LRRIQ3: variants seen among roughly 807,000 people sequenced by gnomAD.
LRRIQ3 encodes leucine rich repeats and IQ motif containing 3.
Under a neutral mutation model 59.3 loss-of-function variants are expected in LRRIQ3, and 75 were observed. The observed-to-expected ratio is 1.26, with a 90% CI of 1.05 to 1.53. The LOEUF (loss-of-function observed/expected upper bound fraction) is 1.53, where lower values mean the gene tolerates loss of function less well. Ranked by LOEUF, LRRIQ3 falls within the 40% of genes most tolerant of loss-of-function variation. The pLI, the probability that LRRIQ3 is intolerant of heterozygous loss-of-function variation, is 0.00. For missense variants in LRRIQ3, 831 were observed against 710.0 expected (o/e 1.17, Z -1.94); for synonymous variants, 250 against 231.3 (o/e 1.08, Z -0.73).
intron 4 of LRRIQ3, among the ~76,000 whole-genome samples, chr1:74,126,841 C>T (rs1174035525): frequency 6.6e-6 from 1 of 151,832 alleles, no homozygotes. Context: ...GGATGAAATG[C>T]TCTGTAAATA....
In LRRIQ3 at chr1:74,155,719, A is replaced by C. The variant is rs771280840; in HGVS notation, c.707+14T>G. 1 of 1,558,408 alleles carries C rather than the reference A, an allele frequency of 6.4e-7. No individual in the cohort carries two copies. The highest frequency in any genetic ancestry group is 1.2e-5 in the South Asian group (1 of 80,214). ...TTATTTCAATATTCAAATGGTAAAG[A>C]AAACAAAACATACCTCAAATTTTTT... On this transcript the variant is annotated intron_variant, in intron 4 of 7. Transcript: ENST00000354431.
At chr1:74,100,934 T>A (rs1646521480) in intron 5 of LRRIQ3, among the ~76,000 whole-genome samples, 1 of 152,026 alleles carries the variant, frequency 6.6e-6, no homozygotes, top group South Asian at 2.1e-4. Flanking sequence ...ACTTAAATGT[T>A]AGACCTAAAA....
At chr1:74,127,364 A>G (rs985428891) in intron 4 of LRRIQ3, among the ~76,000 whole-genome samples, 5 of 151,838 alleles carry the variant, frequency 3.3e-5, no homozygotes, top group Non-Finnish European at 7.4e-5. Context: ...TTGATAGGTA[A>G]GATTTTACTC....
At chr1:74,136,119 T>C (rs758544168) in intron 4 of LRRIQ3, among the ~76,000 whole-genome samples, 1 of 151,816 alleles carries the variant, frequency 6.6e-6, no homozygotes. Flanking sequence ...TGCCAACAAA[T>C]TGGAAAATGT....
At chr1:74,086,174 C>T (rs974642702) in intron 5 of LRRIQ3, among the ~76,000 whole-genome samples, 2 of 152,046 alleles carry the variant, frequency 1.3e-5, no homozygotes, top group African/African-American at 4.8e-5. Flanking sequence ...CATTTTGAGA[C>T]TTCATCACCC....
intron 4 of LRRIQ3, among the ~76,000 whole-genome samples, chr1:74,128,817 T>G (rs1448051412): frequency 6.6e-6 from 1 of 152,112 alleles, no homozygotes; most frequent in Non-Finnish European, 1.5e-5. Flanking sequence ...ATATATACAT[T>G]AGGGGGCAAC....
At chr1:74,030,492 C>T (rs775405938) in intron 7 of LRRIQ3, among the ~76,000 whole-genome samples, 1 of 152,032 alleles carries the variant, frequency 6.6e-6, no homozygotes, top group Non-Finnish European at 1.5e-5. Flanking sequence ...ACAAACCTGA[C>T]AAAAACAATA....
At chr1:74,075,947 C>A (rs1050395588) in intron 5 of LRRIQ3, among the ~76,000 whole-genome samples, 13 of 152,160 alleles carry the variant, frequency 8.5e-5, no homozygotes, top group African/African-American at 3.1e-4. Context: ...TCTTAAGGAG[C>A]TTTTCCAGAG....
chr1:74,185,785 T>A (rs1436325474), intron 1 of LRRIQ3, among the ~76,000 whole-genome samples: 2 of 151,296 alleles, frequency 1.3e-5, no homozygotes, highest in African/African-American at 4.9e-5. Flanking sequence ...CTACTAAAAA[T>A]ACAAAAAATT....
rs138212976 is a variant in LRRIQ3 at position 74,063,144 on chromosome 1, AC to A, written c.997+11516del. 7.2e-4 allele frequency among the ~76,000 whole-genome samples: 108 copies of A among 150,922 alleles called. 2 individuals carry two copies. Among genetic ancestry groups the A allele is most frequent in the East Asian group, 2.3e-3 (12 of 5,112 alleles). ...CCAAACAACAACAACAACAACAACA[AC>A]AACAACAAAACGAGGAAGGGTGTTT... On this transcript the variant is annotated intron_variant, in intron 6 of 7. Transcript: ENST00000354431.
chr1:74,122,262 T>G (rs1328918102), intron 4 of LRRIQ3, among the ~76,000 whole-genome samples: 2 of 152,182 alleles, frequency 1.3e-5, no homozygotes, highest in Non-Finnish European at 2.9e-5. Context: ...CCTGACTTTT[T>G]AATGATCGCT....
At chr1:74,132,396 C>T (rs561748531) in intron 4 of LRRIQ3, among the ~76,000 whole-genome samples, 17 of 152,164 alleles carry the variant, frequency 1.1e-4, no homozygotes, top group African/African-American at 2.7e-4. Context: ...AAAATGAGCC[C>T]GCATTGCCAA....
intron 5 of LRRIQ3, among the ~76,000 whole-genome samples, chr1:74,088,469 A>G (rs1489303406): frequency 1.3e-5 from 2 of 152,240 alleles, no homozygotes; most frequent in South Asian, 2.1e-4. Flanking sequence ...AATTATATAT[A>G]CAGACATACG....
At chr1:74,148,777 C>T (rs552011174) in intron 4 of LRRIQ3, among the ~76,000 whole-genome samples, 8 of 152,196 alleles carry the variant, frequency 5.3e-5, no homozygotes, top group Non-Finnish European at 1.0e-4. Flanking sequence ...CATGACCATG[C>T]GAGTAACACC....
intron 3 of LRRIQ3, among the ~76,000 whole-genome samples, chr1:74,171,526 T>G (rs940277166): frequency 6.6e-6 from 1 of 152,334 alleles, no homozygotes; most frequent in East Asian, 1.9e-4. Context: ...ATCCTTTCAA[T>G]GTACTGTTGG....
At chr1:74,178,778 C>CT (rs1191239369) in intron 3 of LRRIQ3, among the ~76,000 whole-genome samples, 1 of 152,154 alleles carries the variant, frequency 6.6e-6, no homozygotes, top group Non-Finnish European at 1.5e-5. Flanking sequence ...TCATAGAAGT[C>CT]TATCAAGTAA....
intron 5 of LRRIQ3, among the ~76,000 whole-genome samples, chr1:74,089,236 G>A (rs1022339609): frequency 6.6e-6 from 1 of 152,000 alleles, no homozygotes; most frequent in African/African-American, 2.4e-5. Context: ...CAACTGCTAT[G>A]GAAAACTGTT....
chr1:74,058,057 A>C (rs1654589853), intron 6 of LRRIQ3, among the ~76,000 whole-genome samples: 1 of 146,816 alleles, frequency 6.8e-6, no homozygotes, highest in African/African-American at 2.7e-5. Flanking sequence ...TTATCAAAAA[A>C]ACAAAAAACA....
chr1:74,191,340 A>G (rs1650756078), intron 1 of LRRIQ3, among the ~76,000 whole-genome samples: 1 of 152,284 alleles, frequency 6.6e-6, no homozygotes, highest in Admixed American at 6.5e-5. Flanking sequence ...AGATACTCAT[A>G]TCTATGTTAA....
Sources: allele counts gnomAD v4.1 joint callset (sites outside exome capture counted in the v4.1 genomes callset), GRCh38; gene constraint gnomAD v4.1.1; transcripts MANE v1.5; gene names NCBI Gene and HGNC (gene_info 2026-07-23, HGNC 2026-07-21).